Variants in CNPY3 observed in about 807,000 individuals in gnomAD.
CNPY3 encodes the protein canopy FGF signaling regulator 3, also known as protein canopy homolog 3.
In CNPY3, 20 loss-of-function variants were observed where a neutral mutation model predicts 32.0. The ratio of observed to expected loss-of-function variants is 0.63; its 90% CI spans 0.44 to 0.91. The LOEUF is 0.91. Among genes scored for constraint, CNPY3 ranks in the 40% least tolerant of loss-of-function variants. CNPY3 has a pLI of 0.00. For synonymous variants in CNPY3, 138 were observed against 142.9 expected (o/e 0.97, Z 0.24); for missense variants, 299 against 340.8 (o/e 0.88, Z 0.97).
At chr6:42,931,308 C>A (rs984932205) in intron 1 of CNPY3, among the ~76,000 whole-genome samples, 3 of 151,574 alleles carry the variant, frequency 2.0e-5, no homozygotes, top group African/African-American at 7.3e-5. Flanking sequence ...CTCACCGCAA[C>A]CTCCAGTGAC....
chr6:42,933,995 A>G (rs561045707), intron 1 of CNPY3, among the ~76,000 whole-genome samples: 1 of 152,216 alleles, frequency 6.6e-6, no homozygotes, highest in Non-Finnish European at 1.5e-5. Flanking sequence ...ACAAGATGAA[A>G]CCTGTCTCTA....
chr6:42,933,007 G>GA (rs757695429), intron 1 of CNPY3, among the ~76,000 whole-genome samples: 19 of 152,208 alleles, frequency 1.2e-4, no homozygotes, highest in East Asian at 7.7e-4. Context: ...AAGGAAATAC[G>GA]AAAAAATCTA....
At chr6:42,937,637 G>T in intron 3 of CNPY3, 80 bp from the exon 4 acceptor site, 3 of 1,499,906 alleles carry the variant, frequency 2.0e-6, no homozygotes, top group Non-Finnish European at 2.8e-6. Context: ...CTTATAGCTG[G>T]GTTCTTAGCC....
chr6:42,929,535 C>A lies in CNPY3; in HGVS notation c.-36C>A. The A allele has an allele frequency of 6.6e-7, 1 of 1,525,752 alleles. No homozygotes were observed. The highest frequency in any genetic ancestry group is 2.3e-5 in the East Asian group (1 of 42,780). 94.5% of individuals were successfully genotyped at this position (1,525,752 alleles called of 1,614,324 possible). ...TCCGCGCGCGCCGCGGGAGGAGGAA[C>A]CGCCCGGTCCTTTAGGGTCCGGGCC... On this transcript the variant is annotated 5_prime_UTR_variant, in exon 1 of 6. Transcript: ENST00000372836.
At chr6:42,930,859 C>T (rs1207655239) in intron 1 of CNPY3, among the ~76,000 whole-genome samples, 1 of 151,872 alleles carries the variant, frequency 6.6e-6, no homozygotes, top group East Asian at 1.9e-4. Flanking sequence ...TGAGTTCAAG[C>T]CTGTGCCTTC....
Position 42,935,671 on chromosome 6 carries a change from G to A in CNPY3, c.372+1G>A, listed in dbSNP as rs766430868. On this transcript the variant is annotated splice_donor_variant, in intron 3 of 5. Coordinates refer to ENST00000372836, the MANE Select transcript of CNPY3 (RefSeq NM_006586.5). LOFTEE classifies it high-confidence loss of function. ...GACCGGCAGCAATCGATTTGCCAAG[G>A]TTGGATTCGGGATTGTCCTTCATCC... The A allele has an allele frequency of 6.2e-7, 1 of 1,607,852 alleles. No homozygotes were observed. The highest frequency in any genetic ancestry group is 8.5e-7 in the Non-Finnish European group (1 of 1,175,056).
chr6:42,937,767 C>T lies in CNPY3; in HGVS notation c.423C>T (p.Val141=), dbSNP rs763784188. The change falls in exon 4 of 6, where the codon GTC becomes GTT. Residue 141 remains valine, a synonymous_variant. Transcript: ENST00000372836. ...TACACAACCTGGTACACAAAGGGGT[C>T]AAGGTGGTGATGGACATCCCCTATG... is the stretch of plus-strand genomic sequence containing the variant. The part of the protein sequence containing the change: ...ETLHNLVHKG[V]KVVMDIPYEL... The T allele has an allele frequency of 6.2e-7, 1 of 1,613,900 alleles. No individual in the cohort carries two copies. The highest frequency in any genetic ancestry group is 1.1e-5 in the South Asian group (1 of 91,086).
At chr6:42,936,726 G>A (rs778595744) in intron 3 of CNPY3, among the ~76,000 whole-genome samples, 22 of 152,080 alleles carry the variant, frequency 1.4e-4, no homozygotes, top group Non-Finnish European at 2.4e-4. Context: ...TAGTAGAAAC[G>A]GGGTTTCACC....
intron 4 of CNPY3, 84 bp from the exon 5 acceptor site, chr6:42,938,006 A>AG: frequency 2.7e-6 from 4 of 1,465,192 alleles, no homozygotes; most frequent in Admixed American, 1.7e-5. Context: ...CCTACCTTGC[A>AG]GTGGGTTGCG....
intron 1 of CNPY3, among the ~76,000 whole-genome samples, chr6:42,930,056 A>C (rs1442989914): frequency 6.6e-6 from 1 of 152,126 alleles, no homozygotes; most frequent in African/African-American, 2.4e-5. Context: ...GAGGGGAGTC[A>C]AAGAGGGCTT....
intron 3 of CNPY3, among the ~76,000 whole-genome samples, chr6:42,935,874 A>G (rs1328633517): frequency 6.6e-6 from 1 of 152,070 alleles, no homozygotes; most frequent in Non-Finnish European, 1.5e-5. Flanking sequence ...GGGCCTGTTC[A>G]TGAGGGTCCT....
At chr6:42,931,161 C>A (rs989618671) in intron 1 of CNPY3, among the ~76,000 whole-genome samples, 10 of 151,328 alleles carry the variant, frequency 6.6e-5, no homozygotes, top group African/African-American at 2.4e-4. Context: ...CAGTGCTGGG[C>A]TTATAGGCGT....
In CNPY3 at chr6:42,938,029, G is replaced by A. The variant is rs927974050; in HGVS notation, c.496-61G>A. ...GCAGTGGGTTGCGAGGCTTAGCTGA[G>A]CTCCTCTAGGAGCGAGTCAGGTGCT... On this transcript the variant is annotated intron_variant, in intron 4 of 5. Transcript: ENST00000372836. 5.7e-5 allele frequency: 87 copies of A among 1,522,430 alleles called. No homozygotes were observed. The Middle Eastern group carries it at 1.1e-3, about 19-fold the overall frequency. 94.3% of individuals were successfully genotyped at this position (1,522,430 alleles called of 1,614,324 possible). A position where few individuals can be genotyped will look rare whatever the true frequency, so the allele number is the denominator to read the frequency against.
intron 2 of CNPY3, 102 bp downstream of exon 2, chr6:42,934,700 T>C: frequency 6.6e-7 from 1 of 1,517,118 alleles, no homozygotes; most frequent in South Asian, 1.2e-5. Flanking sequence ...TACAAGGGCA[T>C]CATTTGTAAC....
chr6:42,938,096 G>T lies in CNPY3; in HGVS notation c.502G>T (p.Val168Leu). 6.2e-7 allele frequency: 1 copy of T among 1,613,294 alleles called. No individual in the cohort carries two copies. ...GAGGTATTATGATTAACAGTGTGAT[G>T]TGCTGGTGGAAGAGTTTGAGGAGGT... ...EVADLKKQCD[V>L]LVEEFEEVIE... The change falls in exon 5 of 6, where the codon GTG becomes TTG. Residue 168 changes from valine (V) to leucine (L), a missense_variant. Physicochemically the swap from Val to Leu is conservative, Grantham distance 32 (BLOSUM62 1). Coordinates refer to ENST00000372836, the MANE Select transcript of CNPY3 (RefSeq NM_006586.5).
intron 1 of CNPY3, among the ~76,000 whole-genome samples, chr6:42,932,765 TG>T (rs1767926030): frequency 6.6e-6 from 1 of 152,184 alleles, no homozygotes; most frequent in African/African-American, 2.4e-5. Flanking sequence ...GCTTATTACT[TG>T]GAATTTGTAT....
rs748115994 is a variant in CNPY3, at chr6:42,929,556, G to A, written c.-15G>A. On this transcript the variant is annotated 5_prime_UTR_variant, in exon 1 of 6. Coordinates refer to ENST00000372836, the MANE Select transcript of CNPY3 (RefSeq NM_006586.5). ...GGAACCGCCCGGTCCTTTAGGGTCCGGGCCCGGCCGGGCCATGGATTCAAT... is the reference window on the plus strand; with the variant it reads ...GGAACCGCCCGGTCCTTTAGGGTCCAGGCCCGGCCGGGCCATGGATTCAAT... 16 of 1,563,680 alleles carry A rather than the reference G, an allele frequency of 1.0e-5. No individual in the cohort carries two copies. The highest frequency in any genetic ancestry group is 9.2e-5 in the East Asian group (4 of 43,374).
At chr6:42,937,093 A>G (rs2114179179) in intron 3 of CNPY3, among the ~76,000 whole-genome samples, 1 of 152,254 alleles carries the variant, frequency 6.6e-6, no homozygotes, top group South Asian at 2.1e-4. Context: ...ACCCAGGAAG[A>G]ACGGAACAGC....
intron 1 of CNPY3, among the ~76,000 whole-genome samples, chr6:42,934,172 G>A (rs961617091): frequency 6.6e-6 from 1 of 151,812 alleles, no homozygotes; most frequent in Non-Finnish European, 1.5e-5. Context: ...AAAGGAATAC[G>A]AAGAACAATT....
Sources: gnomAD v4.1 joint callset for allele counts (sites outside exome capture counted in the v4.1 genomes callset) on GRCh38, gnomAD v4.1.1 for gene constraint, MANE v1.5 for transcripts, NCBI Gene and HGNC (gene_info 2026-07-23, HGNC 2026-07-21) for gene names.